Variants in LRRIQ1 observed in about 807,000 individuals in gnomAD.
The protein encoded by LRRIQ1 is leucine rich repeats and IQ motif containing 1, also known as leucine-rich repeat- and IQ domain-containing protein 1.
Under a neutral mutation model 211.9 loss-of-function variants are expected in LRRIQ1, and 210 were observed. The observed-to-expected ratio is 0.99, with a 90% confidence interval of 0.89 to 1.11. The LOEUF is 1.11. Ranked by LOEUF, LRRIQ1 falls within the 50% of genes most tolerant of loss-of-function variation. The pLI is 0.00. For synonymous variants in LRRIQ1, 699 were observed against 650.1 expected, an observed-to-expected ratio of 1.08 and a Z score of -1.14; for missense variants, 2,136 against 1,939.5, an observed-to-expected ratio of 1.10 and a Z score of -1.90.
chr12:85,083,502 T>A (rs1884505883), intron 11 of LRRIQ1, among the ~76,000 whole-genome samples: 2 of 151,626 alleles, frequency 1.3e-5, no homozygotes, highest in Admixed American at 6.6e-5. Context: ...TGCAGTGGCC[T>A]GATCTCAGCT....
chr12:85,088,282 T>C (rs1885037737), intron 11 of LRRIQ1, among the ~76,000 whole-genome samples: 1 of 152,166 alleles, frequency 6.6e-6, no homozygotes, highest in African/African-American at 2.4e-5. Flanking sequence ...TTCTGAGGGC[T>C]CTGTTCTGTT....
intron 26 of LRRIQ1, among the ~76,000 whole-genome samples, chr12:85,233,219 A>G (rs1895028956): frequency 6.6e-6 from 1 of 152,102 alleles, no homozygotes; most frequent in South Asian, 2.1e-4. Flanking sequence ...GGTTTTCAAC[A>G]TAATGATCAG....
chr12:85,044,881 T>TA (rs1879350493), intron 4 of LRRIQ1, 72 bp downstream of exon 4: 1 of 601,116 alleles, frequency 1.7e-6, no homozygotes, highest in Non-Finnish European at 2.9e-6. Flanking sequence ...ACAAGATTGA[T>TA]ACTTCACTGA....
At chr12:85,182,443 A>G (rs939265060) in intron 24 of LRRIQ1, among the ~76,000 whole-genome samples, 3 of 152,184 alleles carry the variant, frequency 2.0e-5, no homozygotes, top group Admixed American at 6.5e-5. Context: ...TGAAAGCCCT[A>G]CAAACTGGGC....
chr12:85,215,552 T>G (rs554655307), intron 24 of LRRIQ1, among the ~76,000 whole-genome samples: 388 of 152,272 alleles, frequency 2.5e-3, no homozygotes, highest in Non-Finnish European at 4.2e-3. Flanking sequence ...TCTCTGTGTG[T>G]CCATGTGTTC....
intron 1 of LRRIQ1, among the ~76,000 whole-genome samples, chr12:85,037,267 T>C (rs184400648): frequency 3.9e-5 from 6 of 152,204 alleles, no homozygotes; most frequent in Admixed American, 3.9e-4. Flanking sequence ...AATGAGCCAG[T>C]AGATGAACAG....
intron 26 of LRRIQ1, among the ~76,000 whole-genome samples, chr12:85,239,115 C>A (rs1895340146): frequency 6.6e-6 from 1 of 151,888 alleles, no homozygotes; most frequent in Admixed American, 6.6e-5. Context: ...CAGAGACATA[C>A]CATATTTATA....
At chr12:85,204,316 G>A (rs1893438324) in intron 24 of LRRIQ1, among the ~76,000 whole-genome samples, 1 of 152,190 alleles carries the variant, frequency 6.6e-6, no homozygotes, top group African/African-American at 2.4e-5. Context: ...CTTCTGCTAG[G>A]GCAGCAAGGA....
chr12:85,125,936 G>A (rs914339252), intron 17 of LRRIQ1, among the ~76,000 whole-genome samples: 5 of 152,104 alleles, frequency 3.3e-5, no homozygotes, highest in Admixed American at 1.3e-4. Context: ...ATGTATACCC[G>A]TTGCTGAATC....
chr12:85,057,789 C>T (rs1392751423), intron 8 of LRRIQ1, among the ~76,000 whole-genome samples: 6 of 151,878 alleles, frequency 4.0e-5, no homozygotes, highest in Non-Finnish European at 7.4e-5. Flanking sequence ...AATTAAGACA[C>T]AGAAACTAAT....
intron 24 of LRRIQ1, among the ~76,000 whole-genome samples, chr12:85,222,924 G>A (rs1894469040): frequency 6.6e-6 from 1 of 152,104 alleles, no homozygotes; most frequent in East Asian, 1.9e-4. Flanking sequence ...TGGTTGCAAT[G>A]GCGAAAGAAA....
At chr12:85,162,604 TA>T (rs2136744445) in intron 24 of LRRIQ1, among the ~76,000 whole-genome samples, 1 of 152,320 alleles carries the variant, frequency 6.6e-6, no homozygotes, top group East Asian at 1.9e-4. Context: ...AATAGTATAA[TA>T]TGTATGTATG....
chr12:85,098,791 G>T, intron 12 of LRRIQ1, 76 bp from the exon 13 acceptor site: 2 of 1,102,326 alleles, frequency 1.8e-6, no homozygotes, highest in South Asian at 1.9e-5. Context: ...GTTTTGGAAG[G>T]TTGTGTATTT....
chr12:85,257,592 G>T (rs188590141), intron 1 of LRRIQ1, among the ~76,000 whole-genome samples: 3 of 151,730 alleles, frequency 2.0e-5, no homozygotes, highest in Admixed American at 6.6e-5. Flanking sequence ...CACCCAATAG[G>T]TATTAACTAT....
chr12:85,156,019 AACCAG>A (rs1262301356), intron 23 of LRRIQ1, among the ~76,000 whole-genome samples: 1 of 151,696 alleles, frequency 6.6e-6, no homozygotes, highest in African/African-American at 2.4e-5. Flanking sequence ...GAAAGAAAGT[AACCAG>A]ACATCCAGCT....
At chr12:85,109,142 T>C (rs1419370670) in intron 15 of LRRIQ1, among the ~76,000 whole-genome samples, 2 of 152,118 alleles carry the variant, frequency 1.3e-5, no homozygotes, top group African/African-American at 4.8e-5. Flanking sequence ...CTGGTTATGT[T>C]TAAAATTCCC....
Position 85,038,324 on chromosome 12 carries a change from T to G in LRRIQ1, c.132+16T>G. 6.8e-7 allele frequency: 1 copy of G among 1,468,582 alleles called. No individual in the cohort carries two copies. Among genetic ancestry groups the G allele is most frequent in the Non-Finnish European group, 9.1e-7 (1 of 1,103,446 alleles). 91.0% of individuals were successfully genotyped at this position (1,468,582 alleles called of 1,614,324 possible). A position where few individuals can be genotyped will look rare whatever the true frequency, so the allele number is the denominator to read the frequency against. ...TAGTGATACAGTGAGTATTGCACTT[T>G]TGAGCCTTTTAACAGGAGTAGGCTT... is the stretch of plus-strand genomic sequence containing the variant. On this transcript the variant is annotated intron_variant, in intron 2 of 26. Transcript: ENST00000393217.
chr12:85,255,051 T>C (rs1896050168), intron 1 of LRRIQ1, among the ~76,000 whole-genome samples: 1 of 151,866 alleles, frequency 6.6e-6, no homozygotes, highest in East Asian at 1.9e-4. Flanking sequence ...TTGAAAGTAG[T>C]ATTGTTTTTC....
intron 24 of LRRIQ1, among the ~76,000 whole-genome samples, chr12:85,213,317 G>A (rs960156785): frequency 1.3e-5 from 2 of 151,816 alleles, no homozygotes; most frequent in African/African-American, 4.8e-5. Flanking sequence ...TAATAAACTA[G>A]TATAACACAA....
Sources: gnomAD v4.1 joint callset for allele counts (sites outside exome capture counted in the v4.1 genomes callset) on GRCh38, gnomAD v4.1.1 for gene constraint, MANE v1.5 for transcripts, NCBI Gene and HGNC (gene_info 2026-07-23, HGNC 2026-07-21) for gene names.